The following SRSF5 variants were observed in gnomAD, a reference collection of about 807,000 sequenced individuals.
The protein encoded by SRSF5 is serine/arginine-rich splicing factor 5.
Under a neutral mutation model 34.0 loss-of-function variants are expected in SRSF5, and 5 were observed. The ratio of observed to expected loss-of-function variants is 0.15; its 90% CI spans 0.08 to 0.31. SRSF5 has a LOEUF of 0.31. Ranked by LOEUF, SRSF5 falls within the 10% of genes least tolerant of loss-of-function variation. SRSF5 has a pLI of 1.00. For missense variants in SRSF5, 223 were observed against 351.4 expected, an observed-to-expected ratio of 0.63 and a Z score of 2.92; for synonymous variants, 164 against 117.7, an observed-to-expected ratio of 1.39 and a Z score of -2.55.
At position 69,771,189 on chromosome 14, in the gene SRSF5, C is replaced by T; in HGVS notation, c.552-5C>T. Reference sequence around the variant, plus strand: ...TCTAGGCTGATTTCTTTTCATTTTTCATAGTAGGTCAAGAAGCAGGTCTCG... The same window carrying T: ...TCTAGGCTGATTTCTTTTCATTTTTTATAGTAGGTCAAGAAGCAGGTCTCG... On this transcript the variant is annotated splice_polypyrimidine_tract_variant and splice_region_variant and intron_variant, in intron 7 of 7. Transcript: ENST00000557154. 6.2e-7 allele frequency: 1 copy of T among 1,613,770 alleles called. No individual in the cohort carries two copies. Among genetic ancestry groups the T allele is most frequent in the South Asian group, 1.1e-5 (1 of 91,062 alleles).
At position 69,767,182 on chromosome 14, in the gene SRSF5, G is replaced by T. The variant is rs774607228; in HGVS notation, c.-93G>T. On this transcript the variant is annotated 5_prime_UTR_variant, in exon 1 of 8. Coordinates refer to ENST00000557154, the MANE Select transcript of SRSF5 (RefSeq NM_001320214.2). ...GCGTAGACGAGTTAAGTCCTGGTCTGCGTGGAGGTCGACGACTCCGTCGCA... is the reference window on the plus strand; with the variant it reads ...GCGTAGACGAGTTAAGTCCTGGTCTTCGTGGAGGTCGACGACTCCGTCGCA... 1 of 356,326 alleles carries T rather than the reference G, an allele frequency of 2.8e-6. No individual in the cohort carries two copies. The highest frequency in any genetic ancestry group is 2.1e-5 in the African/African-American group (1 of 46,670). The allele number at this position is 356,326 out of a possible 1,614,324, so 22.1% of individuals were successfully genotyped here. A position where few individuals can be genotyped will look rare whatever the true frequency, so the allele number is the denominator to read the frequency against.
At chr14:69,769,972 A>G (rs1349085659) in intron 5 of SRSF5, 2 of 1,051,696 alleles carry the variant, frequency 1.9e-6, no homozygotes. Context: ...CCAGTCGGGC[A>G]TATGTCATGA....
In SRSF5 at chr14:69,771,251, A is replaced by G; in HGVS notation, c.609A>G (p.Arg203=). 1 of 1,614,130 alleles carries G rather than the reference A, an allele frequency of 6.2e-7. No individual in the cohort carries two copies. Residue 203 remains arginine, a synonymous_variant, in exon 8 of 8, where the codon CGA becomes CGG. Transcript: ENST00000557154. ...RTRSSSRSRS[R]SRSRSRKSYS... ...GAAGTTCCTCTAGGTCTCGTAGCCGATCCCGTTCCCGTAGTCGCAAATCTT... is the reference window on the plus strand; with the variant it reads ...GAAGTTCCTCTAGGTCTCGTAGCCGGTCCCGTTCCCGTAGTCGCAAATCTT...
intron 5 of SRSF5, chr14:69,769,520 G>A (rs1275967387): frequency 4.6e-6 from 7 of 1,535,290 alleles, no homozygotes. Flanking sequence ...GCCTGTCTGT[G>A]TCGTTGGCCT....
At position 69,771,568 on chromosome 14, in the gene SRSF5, G is replaced by T. The variant is rs558911631; in HGVS notation, c.*107G>T. 9 of 1,313,408 alleles carry T rather than the reference G, an allele frequency of 6.9e-6. No individual in the cohort carries two copies. In the South Asian group the frequency reaches 1.0e-4, roughly 15 times the overall value. 81.4% of individuals were successfully genotyped at this position (1,313,408 alleles called of 1,614,324 possible). A position where few individuals can be genotyped will look rare whatever the true frequency, so the allele number is the denominator to read the frequency against. On this transcript the variant is annotated 3_prime_UTR_variant, in exon 8 of 8. Transcript: ENST00000557154. ...TGGTAAGTATGTGCTTTTCTGTGGG[G>T]GTGGGATTTGGAAGGGGGGTTGGGT... is the stretch of plus-strand genomic sequence containing the variant.
intron 2 of SRSF5, 32 bp downstream of exon 2, chr14:69,768,314 T>C (rs374501267): frequency 1.2e-6 from 2 of 1,612,612 alleles, no homozygotes; most frequent in African/African-American, 2.7e-5. Flanking sequence ...AATTATCTGC[T>C]AAGTAGGTAG....
At chr14:69,770,862 G>T in intron 6 of SRSF5, 133 bp from the exon 7 acceptor site, 1 of 833,820 alleles carries the variant, frequency 1.2e-6, no homozygotes, top group East Asian at 2.6e-5. Context: ...TTTTAATGCT[G>T]TGTTATCCAG....
At chr14:69,769,740 A>T in intron 5 of SRSF5, 1 of 1,393,546 alleles carries the variant, frequency 7.2e-7, no homozygotes, top group South Asian at 1.7e-5. Flanking sequence ...CCCTAAGTTG[A>T]GACCTGTCTT....
rs1883212129 is a variant in SRSF5 at position 69,771,556 on chromosome 14, C to T, written c.*95C>T. 4.8e-5 allele frequency: 59 copies of T among 1,221,910 alleles called. No individual in the cohort carries two copies. Among genetic ancestry groups the T allele is most frequent in the East Asian group, 1.3e-4 (5 of 37,734 alleles). 75.7% of individuals were successfully genotyped at this position (1,221,910 alleles called of 1,614,324 possible). On this transcript the variant is annotated 3_prime_UTR_variant, in exon 8 of 8. Coordinates refer to ENST00000557154, the MANE Select transcript of SRSF5 (RefSeq NM_001320214.2). ...TGCTAAAAATTCTGGTAAGTATGTG[C>T]TTTTCTGTGGGGGTGGGATTTGGAA...
intron 5 of SRSF5, 103 bp downstream of exon 5, chr14:69,769,354 G>A (rs776072996): frequency 1.4e-4 from 217 of 1,514,666 alleles, no homozygotes; most frequent in Non-Finnish European, 8.8e-5. Flanking sequence ...TTAAATTAAT[G>A]GATTTAATGG....
intron 1 of SRSF5, 151 bp downstream of exon 1, chr14:69,767,406 T>C (rs1191723100): frequency 6.6e-6 from 3 of 455,830 alleles, no homozygotes; most frequent in Non-Finnish European, 1.3e-5. Context: ...CGTCTCCCTT[T>C]TGGCATACTG....
In SRSF5 at chr14:69,769,255, T is replaced by C. The variant is rs867855041; in HGVS notation, c.366+4T>C. 6.2e-7 allele frequency: 1 copy of C among 1,614,034 alleles called. No homozygotes were observed. Among genetic ancestry groups the C allele is most frequent in the African/African-American group, 1.3e-5 (1 of 74,930 alleles). On this transcript the variant is annotated splice_donor_region_variant and intron_variant, in intron 5 of 7. Transcript: ENST00000557154. ...ATCCTCAAGAGTCAGCTGGCAGGTT[T>C]GTTGAAATACAGTTTTGAGTTATTT...
chr14:69,771,374 T>G lies in SRSF5; in HGVS notation c.732T>G (p.Ser244=). 6.2e-7 allele frequency: 1 copy of G among 1,614,222 alleles called. No homozygotes were observed. The highest frequency in any genetic ancestry group is 8.5e-7 in the Non-Finnish European group (1 of 1,180,036). ...CTGAGAAGAGCCAGAAACGTGGTTC[T>G]TCAAGTAGATCTAAGTCTCCAGCAT... is the stretch of plus-strand genomic sequence containing the variant. ...PVPEKSQKRG[S]SSRSKSPASV... is the part of the protein sequence containing the mutation. Residue 244 remains serine (S), a synonymous_variant, in exon 8 of 8, where the codon TCT becomes TCG. Transcript: ENST00000557154.
At chr14:69,768,335 A>C in intron 2 of SRSF5, 53 bp downstream of exon 2, 1 of 1,603,912 alleles carries the variant, frequency 6.2e-7, no homozygotes, top group East Asian at 2.2e-5. Context: ...AGTTTTGATA[A>C]GCAGTTGTTT....
Position 69,767,268 on chromosome 14 carries a change from C to A in SRSF5, c.-20+13C>A. The A allele has an allele frequency of 2.5e-6, 1 of 396,642 alleles. No individual in the cohort carries two copies. The highest frequency in any genetic ancestry group is 4.9e-6 in the Non-Finnish European group (1 of 205,604). 24.6% of individuals were successfully genotyped at this position (396,642 alleles called of 1,614,324 possible). On this transcript the variant is annotated intron_variant, in intron 1 of 7. Transcript: ENST00000557154. ...CCCCGTCCGGTAGGTGAGTGGCTCA[C>A]TTTGAGGGCAAGCCTTCTCGGATCG...
chr14:69,771,325 G>A lies in SRSF5; in HGVS notation c.683G>A (p.Arg228His), dbSNP rs944123566. The change falls in exon 8 of 8, where the codon CGT becomes CAT. Residue 228 changes from arginine (R) to histidine (H), a missense_variant. This residue lies in a region of SRSF5 where 115 missense variants were observed against 119.7 expected (regional missense o/e 0.96). Transcript: ENST00000557154. ...AGGAGCCGGAGCCGGAGCAAGTCCC[G>A]TTCTGTTAGTAGGTCTCCCGTGCCT... The part of the protein sequence containing the change: ...RSRSRSRSKS[R>H]SVSRSPVPEK... 8 of 1,614,002 alleles carry A rather than the reference G, an allele frequency of 5.0e-6. No individual in the cohort carries two copies. In the African/African-American group the frequency reaches 6.7e-5, roughly 13 times the overall value.
In SRSF5 at chr14:69,771,573, G is replaced by C; in HGVS notation, c.*112G>C. On this transcript the variant is annotated 3_prime_UTR_variant, in exon 8 of 8. Transcript: ENST00000557154. ...AGTATGTGCTTTTCTGTGGGGGTGG[G>C]ATTTGGAAGGGGGGTTGGGTTGGGC... The C allele has an allele frequency of 4.2e-5, 30 of 719,746 alleles. No individual in the cohort carries two copies. Among genetic ancestry groups the C allele is most frequent in the East Asian group, 8.9e-5 (2 of 22,380 alleles). 44.6% of individuals were successfully genotyped at this position (719,746 alleles called of 1,614,324 possible). A position where few individuals can be genotyped will look rare whatever the true frequency, so the allele number is the denominator to read the frequency against.
At chr14:69,768,053 A>G in intron 1 of SRSF5, 85 bp from the exon 2 acceptor site, 2 of 1,461,930 alleles carry the variant, frequency 1.4e-6, no homozygotes, top group Non-Finnish European at 1.9e-6. Flanking sequence ...TAAACATTTT[A>G]TGCCGTTGAT....
At chr14:69,768,761 T>G in intron 3 of SRSF5, 37 bp from the exon 4 acceptor site, 1 of 1,612,064 alleles carries the variant, frequency 6.2e-7, no homozygotes, top group South Asian at 1.1e-5. Context: ...TTATGTAGCT[T>G]AAGTGTGTAA....
Sources: allele counts gnomAD v4.1 joint callset, GRCh38; gene constraint gnomAD v4.1.1; regional missense constraint gnomAD v4.1.1; transcripts MANE v1.5; gene names NCBI Gene and HGNC (gene_info 2026-07-23, HGNC 2026-07-21).